The following STMND1 variants were observed in gnomAD, a reference collection of about 807,000 sequenced individuals.
STMND1 encodes the protein stathmin domain-containing protein 1.
STMND1 carries 17 observed loss-of-function variants against 23.0 expected under a neutral mutation model. The observed-to-expected ratio is 0.74, with a 90% confidence interval of 0.51 to 1.11. STMND1 has a LOEUF of 1.11. STMND1 is among the 50% of genes least tolerant of loss of function. The probability of loss-of-function intolerance (pLI) is 0.00; values close to 1 mark genes in which losing one functional copy is unlikely to be tolerated. For synonymous variants in STMND1, 114 were observed against 119.9 expected, an observed-to-expected ratio of 0.95 and a Z score of 0.32; for missense variants, 305 against 329.1, an observed-to-expected ratio of 0.93 and a Z score of 0.57.
At chr6:17,124,011 CATT>C (rs1413688667) in intron 3 of STMND1, among the ~76,000 whole-genome samples, 1 of 151,882 alleles carries the variant, frequency 6.6e-6, no homozygotes, top group Non-Finnish European at 1.5e-5. Context: ...TAATATTAAT[CATT>C]AATAATATTA....
chr6:17,118,528 A>T (rs1234966388), intron 2 of STMND1, among the ~76,000 whole-genome samples: 1 of 152,240 alleles, frequency 6.6e-6, no homozygotes, highest in Non-Finnish European at 1.5e-5. Context: ...AATTAGTTGA[A>T]ATGACTGACA....
intron 3 of STMND1, among the ~76,000 whole-genome samples, chr6:17,123,302 GGTT>G (rs1297088266): frequency 2.0e-5 from 3 of 152,160 alleles, no homozygotes; most frequent in Non-Finnish European, 4.4e-5. Context: ...CATATAGAAT[GGTT>G]GTTGGGAACG....
At chr6:17,120,516 C>A in intron 2 of STMND1, 91 bp from the exon 3 acceptor site, 1 of 925,022 alleles carries the variant, frequency 1.1e-6, no homozygotes. Context: ...AATTAAGTAG[C>A]ATGGTTTAGA....
intron 2 of STMND1, among the ~76,000 whole-genome samples, chr6:17,117,762 G>A (rs764783381): frequency 1.1e-4 from 13 of 122,168 alleles, no homozygotes; most frequent in Admixed American, 2.2e-4. Context: ...TGCAACCTCC[G>A]CCTCCCAGAT....
intron 1 of STMND1, among the ~76,000 whole-genome samples, chr6:17,113,721 G>T (rs10949402): frequency 0.28 from 42,186 of 149,768 alleles, 6,265 homozygotes; most frequent in Middle Eastern, 0.34. Context: ...TCCCTCCCCA[G>T]CCTCCCAAAG....
chr6:17,115,159 A>T lies in STMND1; in HGVS notation c.259+20A>T, dbSNP rs1208364006. 6.6e-7 allele frequency: 1 copy of T among 1,525,454 alleles called. No individual in the cohort carries two copies. 94.5% of individuals were successfully genotyped at this position (1,525,454 alleles called of 1,614,324 possible). A position where few individuals can be genotyped will look rare whatever the true frequency, so the allele number is the denominator to read the frequency against. On this transcript the variant is annotated intron_variant, in intron 2 of 4. Transcript: ENST00000536551. ...ATTCAGGTAACCTCCCTCTGCCCCC[A>T]TTCACGTAGATCTTCACAAAATACT...
Position 17,129,172 on chromosome 6 carries a change from A to C in STMND1, c.472A>C (p.Lys158Gln), listed in dbSNP as rs1009465063. 2 of 1,535,996 alleles carry C rather than the reference A, an allele frequency of 1.3e-6. No individual in the cohort carries two copies. The highest frequency in any genetic ancestry group is 1.4e-5 in the African/African-American group (1 of 73,154). ...PPSRLKKLKI[K>Q]KQVKDFTMKD... ...TTCCAGACTGAAAAAACTCAAGATC[A>C]AAAAGCAAGTGAAGGATTTCACAAT... The change falls in exon 4 of 5, where the codon AAA becomes CAA. Residue 158 changes from lysine (K) to glutamine (Q), a missense_variant. Coordinates refer to ENST00000536551, the MANE Select transcript of STMND1 (RefSeq NM_001190766.2).
intron 3 of STMND1, among the ~76,000 whole-genome samples, chr6:17,123,108 G>A (rs534808909): frequency 2.0e-5 from 3 of 152,230 alleles, no homozygotes; most frequent in South Asian, 2.1e-4. Flanking sequence ...AACATTCTCC[G>A]TGATTCAATT....
At chr6:17,122,648 A>AT (rs765922781) in intron 3 of STMND1, among the ~76,000 whole-genome samples, 3 of 149,882 alleles carry the variant, frequency 2.0e-5, no homozygotes. Context: ...TGCAGAAAGT[A>AT]TTTGGGGGAA....
At chr6:17,108,657 A>C (rs1761056750) in intron 1 of STMND1, among the ~76,000 whole-genome samples, 1 of 151,562 alleles carries the variant, frequency 6.6e-6, no homozygotes, top group South Asian at 2.1e-4. Flanking sequence ...ATGAACTGTG[A>C]GCATCAGATA....
intron 1 of STMND1, among the ~76,000 whole-genome samples, chr6:17,106,166 A>G (rs1042207347): frequency 2.0e-5 from 3 of 151,904 alleles, no homozygotes; most frequent in African/African-American, 7.3e-5. Context: ...ATGTGTACCC[A>G]TTTTACAAGA....
chr6:17,126,036 A>ATT (rs1561925661), intron 3 of STMND1, among the ~76,000 whole-genome samples: 1 of 20,914 alleles, frequency 4.8e-5, no homozygotes, highest in African/African-American at 2.7e-4. Context: ...TCATTGTTTT[A>ATT]TATATATATA....
chr6:17,118,781 A>G (rs1224951112), intron 2 of STMND1, among the ~76,000 whole-genome samples: 1 of 152,186 alleles, frequency 6.6e-6, no homozygotes, highest in African/African-American at 2.4e-5. Flanking sequence ...GTTGGAGCCA[A>G]ACAGACTTGG....
intron 1 of STMND1, among the ~76,000 whole-genome samples, chr6:17,113,163 CTG>C (rs1172101650): frequency 6.6e-6 from 1 of 152,172 alleles, no homozygotes; most frequent in Non-Finnish European, 1.5e-5. Context: ...TTATTTTCTA[CTG>C]TGTTTCTCTA....
At chr6:17,121,720 G>T (rs573043192) in intron 3 of STMND1, among the ~76,000 whole-genome samples, 4 of 152,026 alleles carry the variant, frequency 2.6e-5, no homozygotes, top group African/African-American at 7.2e-5. Context: ...TCAAACATGA[G>T]GAATTAAATA....
chr6:17,129,305 C>A, intron 4 of STMND1, 62 bp downstream of exon 4: 1 of 1,476,984 alleles, frequency 6.8e-7, no homozygotes, highest in South Asian at 1.3e-5. Flanking sequence ...TGATCTCACC[C>A]CAGAGCTTTC....
chr6:17,115,613 G>T (rs1177055922), intron 2 of STMND1, among the ~76,000 whole-genome samples: 1 of 152,172 alleles, frequency 6.6e-6, no homozygotes, highest in African/African-American at 2.4e-5. Flanking sequence ...TGTGAAAGAG[G>T]TAGTTATGAT....
rs57783805 is a variant in STMND1, at chr6:17,107,411, T to TAA, written c.81+5079_81+5080dup. 7.2e-5 allele frequency among the ~76,000 whole-genome samples: 11 copies of TAA among 152,066 alleles called. No individual in the cohort carries two copies. The East Asian group carries it at 2.1e-3, about 29-fold the overall frequency. ...ACTTTTAAATTCTACCTAAAATTGA[T>TAA]AAAAAAATTTATCCCCAAGACACTG... On this transcript the variant is annotated intron_variant, in intron 1 of 4. Coordinates refer to ENST00000536551, the MANE Select transcript of STMND1 (RefSeq NM_001190766.2).
chr6:17,126,034 T>TTTTTTATATATATA (rs1348334184), intron 3 of STMND1, among the ~76,000 whole-genome samples: 16 of 42,008 alleles, frequency 3.8e-4, no homozygotes, highest in African/African-American at 1.8e-3. Context: ...GATCATTGTT[T>TTTTTTATATATATA]TATATATATA....
Sources: allele counts gnomAD v4.1 joint callset (sites outside exome capture counted in the v4.1 genomes callset), GRCh38; gene constraint gnomAD v4.1.1; transcripts MANE v1.5; gene names NCBI Gene and HGNC (gene_info 2026-07-23, HGNC 2026-07-21).